Variants in ARHGEF28 observed in about 807,000 individuals in gnomAD.
The protein encoded by ARHGEF28 is Rho guanine nucleotide exchange factor 28.
A neutral mutation model predicts 206.6 loss-of-function variants in ARHGEF28; 152 were observed. That is an observed-to-expected ratio of 0.74 (90% confidence interval 0.64 to 0.84). The LOEUF (loss-of-function observed/expected upper bound fraction) is 0.84. Among genes scored for constraint, ARHGEF28 ranks in the 40% least tolerant of loss-of-function variants. ARHGEF28 has a pLI of 0.00. For missense variants in ARHGEF28, 2,028 were observed against 2,073.2 expected, an observed-to-expected ratio of 0.98 and a Z score of 0.42; for synonymous variants, 763 against 776.4, an observed-to-expected ratio of 0.98 and a Z score of 0.29.
At chr5:73,722,791 TC>T (rs1750039917) in intron 2 of ARHGEF28, among the ~76,000 whole-genome samples, 2 of 146,306 alleles carry the variant, frequency 1.4e-5, no homozygotes, top group African/African-American at 5.6e-5. Context: ...CATACATATC[TC>T]TCTCTATCCA....
chr5:73,651,138 A>G (rs1744801416), intron 1 of ARHGEF28, among the ~76,000 whole-genome samples: 1 of 152,174 alleles, frequency 6.6e-6, no homozygotes, highest in African/African-American at 2.4e-5. Flanking sequence ...TGGGGTTTTA[A>G]CAGTCACTGG....
chr5:73,941,031 CAAACA>C lies in ARHGEF28; in HGVS notation c.*29_*33del. 3 of 1,458,314 alleles carry C rather than the reference CAAACA, an allele frequency of 2.1e-6. No homozygotes were observed. The highest frequency in any genetic ancestry group is 1.4e-5 in the African/African-American group (1 of 70,176). The allele number at this position is 1,458,314 out of a possible 1,614,324, so 90.3% of individuals were successfully genotyped here. ...ACCTCTAATTGTGTTGTCATTTTTC[CAAACA>C]AAACAAAACACTGGCACTTTTGGGA... On this transcript the variant is annotated 3_prime_UTR_variant, in exon 36 of 36. Coordinates refer to ENST00000513042, the MANE Select transcript of ARHGEF28 (RefSeq NM_001177693.2).
chr5:73,940,352 T>C (rs962204774), intron 35 of ARHGEF28, among the ~76,000 whole-genome samples: 4 of 152,190 alleles, frequency 2.6e-5, no homozygotes, highest in African/African-American at 9.7e-5. Flanking sequence ...AGCATAATGG[T>C]GAGGCTGGAG....
chr5:73,633,916 C>T (rs1314918467), intron 1 of ARHGEF28, among the ~76,000 whole-genome samples: 1 of 152,064 alleles, frequency 6.6e-6, no homozygotes, highest in African/African-American at 2.4e-5. Context: ...TTTCCACGTT[C>T]ATAGTCATCT....
At chr5:73,818,478 A>C (rs1174958389) in intron 9 of ARHGEF28, among the ~76,000 whole-genome samples, 1 of 152,184 alleles carries the variant, frequency 6.6e-6, no homozygotes, top group African/African-American at 2.4e-5. Context: ...AAACTCCCCA[A>C]ATGATAGCTG....
intron 7 of ARHGEF28, among the ~76,000 whole-genome samples, chr5:73,791,157 A>G (rs908405683): frequency 6.6e-5 from 10 of 152,234 alleles, no homozygotes; most frequent in Non-Finnish European, 1.2e-4. Context: ...GATGAGAAGC[A>G]TTTATTCAGC....
Position 73,819,585 on chromosome 5 carries a change from G to A in ARHGEF28, c.1025-12753G>A, listed in dbSNP as rs542171651. ...TGCTGGATAGATTGGAGTGAAAACC[G>A]TTAGCTGGAAGAAACCAGCCTGTAG... is the stretch of plus-strand genomic sequence containing the variant. On this transcript the variant is annotated intron_variant, in intron 9 of 35. Coordinates refer to ENST00000513042, the MANE Select transcript of ARHGEF28 (RefSeq NM_001177693.2). Among the ~76,000 whole-genome samples the A allele has an allele frequency of 7.9e-5, 12 of 152,284 alleles. No individual in the cohort carries two copies. The South Asian group carries it at 2.5e-3, about 32-fold the overall frequency.
chr5:73,825,561 T>C (rs1337009764), intron 9 of ARHGEF28, among the ~76,000 whole-genome samples: 4 of 152,184 alleles, frequency 2.6e-5, no homozygotes, highest in African/African-American at 9.7e-5. Flanking sequence ...TGCAGAGGCA[T>C]GACGTGACTC....
chr5:73,641,986 GT>G (rs1744138645), intron 1 of ARHGEF28, among the ~76,000 whole-genome samples: 1 of 152,208 alleles, frequency 6.6e-6, no homozygotes, highest in Non-Finnish European at 1.5e-5. Context: ...GAGCTGAGAG[GT>G]TAAGCAACCT....
chr5:73,776,574 T>C lies in ARHGEF28; in HGVS notation c.718T>C (p.Leu240=), dbSNP rs1753555027. 1.2e-6 allele frequency: 2 copies of C among 1,613,956 alleles called. No homozygotes were observed. Among genetic ancestry groups the C allele is most frequent in the Non-Finnish European group, 1.7e-6 (2 of 1,179,840 alleles). Residue 240 remains leucine, a synonymous_variant, in exon 6 of 36, where the codon TTG becomes CTG. Transcript: ENST00000513042. ...SRVQLSEEAS[L]HYIHSSETLT... is the part of the protein sequence containing the mutation. ...AGTGCAGCTCAGTGAAGAAGCCTCC[T>C]TGCATTACATTCACTCATCGGAAAC...
intron 9 of ARHGEF28, among the ~76,000 whole-genome samples, chr5:73,822,222 C>T (rs1171987202): frequency 6.6e-6 from 1 of 152,136 alleles, no homozygotes; most frequent in African/African-American, 2.4e-5. Flanking sequence ...CTCTGGAATC[C>T]ACTGGCTTTG....
At chr5:73,891,065 T>C (rs1761596714) in intron 26 of ARHGEF28, among the ~76,000 whole-genome samples, 1 of 152,240 alleles carries the variant, frequency 6.6e-6, no homozygotes, top group Non-Finnish European at 1.5e-5. Context: ...TATGTGAAAC[T>C]AGTCCTACCA....
At chr5:73,783,075 T>C (rs1753940363) in intron 7 of ARHGEF28, among the ~76,000 whole-genome samples, 1 of 152,160 alleles carries the variant, frequency 6.6e-6, no homozygotes, top group African/African-American at 2.4e-5. Flanking sequence ...AATTCCAAGT[T>C]GTTCTTAAGG....
At chr5:73,766,035 C>T (rs1172071223) in intron 4 of ARHGEF28, among the ~76,000 whole-genome samples, 1 of 151,732 alleles carries the variant, frequency 6.6e-6, no homozygotes, top group Non-Finnish European at 1.5e-5. Flanking sequence ...GCCTGTAGTC[C>T]CAGCTACTCG....
At chr5:73,897,716 G>A (rs1580067184) in intron 29 of ARHGEF28, among the ~76,000 whole-genome samples, 1 of 152,206 alleles carries the variant, frequency 6.6e-6, no homozygotes, top group Non-Finnish European at 1.5e-5. Context: ...TTCCTATAAA[G>A]GGCCAGATAC....
chr5:73,685,115 A>G (rs1747373875), intron 2 of ARHGEF28, among the ~76,000 whole-genome samples: 1 of 152,092 alleles, frequency 6.6e-6, no homozygotes, highest in South Asian at 2.1e-4. Context: ...TTAAGTGTGT[A>G]ATTTCTGGAT....
intron 1 of ARHGEF28, among the ~76,000 whole-genome samples, chr5:73,652,834 C>T (rs1391845930): frequency 6.6e-6 from 1 of 152,110 alleles, no homozygotes; most frequent in Admixed American, 6.5e-5. Context: ...GTTGAGTGAC[C>T]TCTCAGTATC....
chr5:73,833,501 T>G (rs1388701598), intron 10 of ARHGEF28, among the ~76,000 whole-genome samples: 1 of 152,188 alleles, frequency 6.6e-6, no homozygotes, highest in Non-Finnish European at 1.5e-5. Context: ...TAAATCAGAA[T>G]GGACTTCAGC....
At chr5:73,635,790 C>T (rs1458024506) in intron 1 of ARHGEF28, among the ~76,000 whole-genome samples, 1 of 152,186 alleles carries the variant, frequency 6.6e-6, no homozygotes. Flanking sequence ...TAGCAGTTAT[C>T]ACAGCCCCTA....
Sources: allele counts gnomAD v4.1 joint callset (sites outside exome capture counted in the v4.1 genomes callset), GRCh38; gene constraint gnomAD v4.1.1; transcripts MANE v1.5; gene names NCBI Gene and HGNC (gene_info 2026-07-23, HGNC 2026-07-21).